Variants in PTBP2 observed in about 807,000 individuals in gnomAD.
PTBP2 encodes polypyrimidine tract-binding protein 2.
Under a neutral mutation model 61.4 loss-of-function variants are expected in PTBP2, and 13 were observed. That is an observed-to-expected ratio of 0.21 (90% CI 0.14 to 0.34). The LOEUF is 0.34. Ranked by LOEUF, PTBP2 falls within the 10% of genes least tolerant of loss-of-function variation. The pLI, the probability that PTBP2 is intolerant of heterozygous loss-of-function variation, is 1.00. For synonymous variants in PTBP2, 215 were observed against 218.5 expected (o/e 0.98, Z 0.14); for missense variants, 405 against 642.6 (o/e 0.63, Z 4.00).
chr1:96,776,727 A>G (rs1658086014), intron 5 of PTBP2, among the ~76,000 whole-genome samples: 1 of 151,724 alleles, frequency 6.6e-6, no homozygotes, highest in Non-Finnish European at 1.5e-5. Context: ...GACTGTCATC[A>G]TAATAACAGG....
Position 96,814,900 on chromosome 1 carries a change from T to C in PTBP2, c.*1495T>C, listed in dbSNP as rs1052657688. On this transcript the variant is annotated 3_prime_UTR_variant, in exon 14 of 14. Coordinates refer to ENST00000674951, the MANE Select transcript of PTBP2 (RefSeq NM_021190.4). ...AGCTCTATATTCACCTTTTCTGTCTTTCTCTGCTGCCTTTTCTCTCTCCTC... is the reference window on the plus strand; with the variant it reads ...AGCTCTATATTCACCTTTTCTGTCTCTCTCTGCTGCCTTTTCTCTCTCCTC... 9 of 152,546 alleles carry C rather than the reference T, an allele frequency of 5.9e-5. No homozygotes were observed. The highest frequency in any genetic ancestry group is 2.2e-4 in the African/African-American group (9 of 41,412). The allele number at this position is 152,546 out of a possible 1,614,324, so 9.4% of individuals were successfully genotyped here.
chr1:96,745,511 G>T (rs866910491), intron 2 of PTBP2, among the ~76,000 whole-genome samples: 38 of 152,006 alleles, frequency 2.5e-4, no homozygotes, highest in South Asian at 1.0e-3. Context: ...GTAGGTGGCT[G>T]CCACAACTTT....
At position 96,810,148 on chromosome 1, in the gene PTBP2, T is replaced by A. The variant is rs977177790; in HGVS notation, c.1172-2564T>A. On this transcript the variant is annotated intron_variant, in intron 11 of 13. Coordinates refer to ENST00000674951, the MANE Select transcript of PTBP2 (RefSeq NM_021190.4). ...TTTTATTATTCGTTAATAATCTCTT[T>A]CATAGATGGATTAAGGGAAATGTAA... Among the ~76,000 whole-genome samples, 11 of 152,284 alleles carry A rather than the reference T, an allele frequency of 7.2e-5. No individual in the cohort carries two copies. In the East Asian group the frequency reaches 2.1e-3, roughly 29 times the overall value.
intron 11 of PTBP2, among the ~76,000 whole-genome samples, chr1:96,811,521 G>A (rs1662082739): frequency 6.6e-6 from 1 of 152,096 alleles, no homozygotes; most frequent in South Asian, 2.1e-4. Flanking sequence ...CTGGGTACAA[G>A]CAATTCTGCC....
In PTBP2 at chr1:96,805,286, C is replaced by G. The variant is rs184319071; in HGVS notation, c.1044+347C>G. 2.9e-3 allele frequency among the ~76,000 whole-genome samples: 439 copies of G among 152,168 alleles called. 2 individuals carry two copies. The highest frequency in any genetic ancestry group is 0.01 in the African/African-American group (429 of 41,532). ...CAAATTTAACTGTAAAACAATTTTG[C>G]TCTTTGCCTTTTCTAATTATTTGCT... On this transcript the variant is annotated intron_variant, in intron 9 of 13. Coordinates refer to ENST00000674951, the MANE Select transcript of PTBP2 (RefSeq NM_021190.4).
intron 2 of PTBP2, among the ~76,000 whole-genome samples, chr1:96,742,580 A>T (rs1653177965): frequency 6.7e-6 from 1 of 149,756 alleles, no homozygotes. Flanking sequence ...CAGTGGAGGG[A>T]TTCACTTTAA....
In PTBP2 at chr1:96,764,014, T is replaced by C. The variant is rs1041776466; in HGVS notation, c.116-5689T>C. ...AGGACACTTTTATGGTTATCAGATATAGTACAGGATTTCATTTTTATGTTC... is the reference window on the plus strand; with the variant it reads ...AGGACACTTTTATGGTTATCAGATACAGTACAGGATTTCATTTTTATGTTC... On this transcript the variant is annotated intron_variant, in intron 3 of 13. Coordinates refer to ENST00000674951, the MANE Select transcript of PTBP2 (RefSeq NM_021190.4). Among the ~76,000 whole-genome samples, 7 of 152,330 alleles carry C rather than the reference T, an allele frequency of 4.6e-5. No individual in the cohort carries two copies. The East Asian group carries it at 1.2e-3, about 25-fold the overall frequency.
rs66475516 is a variant in PTBP2, at chr1:96,813,661, C to CTT, written c.*276_*277dup. 7,206 of 121,470 alleles carry CTT rather than the reference C, an allele frequency of 0.059. 279 individuals carry two copies. The highest frequency in any genetic ancestry group is 0.065 in the Non-Finnish European group (4,291 of 66,146). The allele number at this position is 121,470 out of a possible 1,614,324, so 7.5% of individuals were successfully genotyped here. A position where few individuals can be genotyped will look rare whatever the true frequency, so the allele number is the denominator to read the frequency against. ...TGTTTAAAATTTCAGTTTAATTTTG[C>CTT]TTTTTTTTTTTTTTTTTTTTTCCTT... On this transcript the variant is annotated 3_prime_UTR_variant, in exon 14 of 14. Coordinates refer to ENST00000674951, the MANE Select transcript of PTBP2 (RefSeq NM_021190.4).
intron 3 of PTBP2, among the ~76,000 whole-genome samples, chr1:96,753,560 A>G (rs761095764): frequency 2.6e-5 from 4 of 152,042 alleles, no homozygotes; most frequent in Admixed American, 1.3e-4. Flanking sequence ...AAAAATTACA[A>G]GTGATGTGCA....
chr1:96,759,513 A>G (rs987579488), intron 3 of PTBP2, among the ~76,000 whole-genome samples: 15 of 152,184 alleles, frequency 9.9e-5, no homozygotes, highest in African/African-American at 3.6e-4. Flanking sequence ...CAAAAAAGCA[A>G]AAGAAACTTA....
intron 2 of PTBP2, among the ~76,000 whole-genome samples, chr1:96,731,790 A>C (rs75419969): frequency 0.013 from 1,943 of 152,206 alleles, 47 homozygotes; most frequent in African/African-American, 0.045. Flanking sequence ...GATTTGTTGC[A>C]TTTCTTTAAA....
chr1:96,792,423 G>C (rs189223041), intron 8 of PTBP2, among the ~76,000 whole-genome samples: 8 of 152,126 alleles, frequency 5.3e-5, no homozygotes, highest in Non-Finnish European at 1.0e-4. Flanking sequence ...CCGAGCCCTA[G>C]CACTGAAAGC....
exon 14 of PTBP2, chr1:96,823,312 A>C (rs1291818864): frequency 6.6e-6 from 1 of 152,240 alleles, no homozygotes; most frequent in East Asian, 1.9e-4. Flanking sequence ...GACTACTTAA[A>C]GCTGTGCTTT....
chr1:96,807,276 A>G (rs1374045710), intron 11 of PTBP2, among the ~76,000 whole-genome samples: 1 of 152,162 alleles, frequency 6.6e-6, no homozygotes, highest in Non-Finnish European at 1.5e-5. Context: ...CTCCTTGTTA[A>G]TAGAGGCTAA....
intron 5 of PTBP2, among the ~76,000 whole-genome samples, chr1:96,771,981 TGTG>T (rs1657434257): frequency 1.3e-5 from 2 of 152,098 alleles, no homozygotes; most frequent in African/African-American, 4.8e-5. Flanking sequence ...TGGCCTCAAA[TGTG>T]GGGGAATTTT....
At chr1:96,751,149 T>C (rs1269984791) in intron 2 of PTBP2, 1 of 434,698 alleles carries the variant, frequency 2.3e-6, no homozygotes, top group Non-Finnish European at 4.2e-6. Flanking sequence ...ACAATTGAGA[T>C]AGCTTTCCAA....
At chr1:96,785,328 C>T (rs1310040459) in intron 8 of PTBP2, 74 bp downstream of exon 8, 8 of 1,214,648 alleles carry the variant, frequency 6.6e-6, no homozygotes, top group Non-Finnish European at 8.9e-6. Context: ...TATAATGAAT[C>T]CCCCCATTTT....
intron 7 of PTBP2, among the ~76,000 whole-genome samples, chr1:96,782,233 A>G (rs1658760272): frequency 6.6e-6 from 1 of 151,986 alleles, no homozygotes; most frequent in Non-Finnish European, 1.5e-5. Flanking sequence ...TTATATGATC[A>G]TTTTATTTTA....
At chr1:96,812,644 C>A in intron 11 of PTBP2, 68 bp from the exon 12 acceptor site, 2 of 1,247,184 alleles carry the variant, frequency 1.6e-6, no homozygotes, top group Non-Finnish European at 2.2e-6. Flanking sequence ...TAAACTGTTA[C>A]GTTAAAAGAA....
Sources: gnomAD v4.1 joint callset for allele counts (sites outside exome capture counted in the v4.1 genomes callset) on GRCh38, gnomAD v4.1.1 for gene constraint, MANE v1.5 for transcripts, NCBI Gene and HGNC (gene_info 2026-07-23, HGNC 2026-07-21) for gene names.